The following PRDM11 variants were observed in gnomAD, a reference collection of about 807,000 sequenced individuals.
PRDM11 encodes the protein PR domain-containing protein 11.
PRDM11 carries 20 observed loss-of-function variants against 97.8 expected under a neutral mutation model. The observed-to-expected ratio is 0.20, with a 90% CI of 0.14 to 0.30. The LOEUF (loss-of-function observed/expected upper bound fraction) is 0.30, where lower values mean the gene tolerates loss of function less well. Among genes scored for constraint, PRDM11 ranks in the 10% least tolerant of loss-of-function variants. The pLI, the probability that PRDM11 is intolerant of heterozygous loss-of-function variation, is 1.00. For synonymous variants in PRDM11, 599 were observed against 637.7 expected, an observed-to-expected ratio of 0.94 and a Z score of 0.91; for missense variants, 1,139 against 1,555.2, an observed-to-expected ratio of 0.73 and a Z score of 4.50.
At chr11:45,138,458 C>T (rs1414728405) in intron 1 of PRDM11, among the ~76,000 whole-genome samples, 11 of 152,102 alleles carry the variant, frequency 7.2e-5, no homozygotes, top group Non-Finnish European at 1.3e-4. Flanking sequence ...GTCCCAGCTA[C>T]TTAGGAGACT....
At chr11:45,123,620 GTTTT>G (rs1401556785) in intron 1 of PRDM11, among the ~76,000 whole-genome samples, 1 of 151,918 alleles carries the variant, frequency 6.6e-6, no homozygotes, top group Non-Finnish European at 1.5e-5. Context: ...CCCATTGCTT[GTTTT>G]TGTCAGGTTT....
At position 45,227,718 on chromosome 11, in the gene PRDM11, G is replaced by T. The variant is rs566509465; in HGVS notation, c.3093G>T (p.Leu1031=). ...CCCGGGATGTCTGTAGGGAAGGGCT[G>T]GACCCCCGGGGTAGTCTGTTGATGG... ...TFSRDVCREG[L]DPRGSLLMEW... Residue 1031 remains leucine (L), a synonymous_variant, in exon 8 of 8, where the codon CTG becomes CTT. Coordinates refer to ENST00000683152, the MANE Select transcript of PRDM11 (RefSeq NM_001384648.1). The surrounding 1 kb of genome is among the most constrained non-coding windows in gnomAD (Gnocchi z 8.0). The T allele has an allele frequency of 6.5e-7, 1 of 1,533,788 alleles. No homozygotes were observed. Among genetic ancestry groups the T allele is most frequent in the Admixed American group, 2.0e-5 (1 of 50,966 alleles).
Position 45,183,061 on chromosome 11 carries a change from T to C in PRDM11, c.424T>C (p.Phe142Leu), listed in dbSNP as rs753715952. The C allele has an allele frequency of 6.2e-7, 1 of 1,613,916 alleles. No individual in the cohort carries two copies. Among genetic ancestry groups the C allele is most frequent in the South Asian group, 1.1e-5 (1 of 91,068 alleles). The change falls in exon 4 of 8, where the codon TTC (phenylalanine) becomes CTC (leucine). Residue 142 changes from phenylalanine (F) to leucine (L), a missense_variant. Phe to Leu is a conservative substitution (Grantham distance 22, BLOSUM62 0). Transcript: ENST00000683152. ...CGAGGTCATCCCCAAGGGCCACATC[T>C]TCGGCCCCTATGAGGGGCAGATCTC... The part of the protein sequence containing the change: ...VNEVIPKGHI[F>L]GPYEGQISTQ...
In PRDM11 at chr11:45,217,124, T is replaced by G. The variant is rs375164629; in HGVS notation, c.555-2446T>G. Among the ~76,000 whole-genome samples, 21 of 152,316 alleles carry G rather than the reference T, an allele frequency of 1.4e-4. No homozygotes were observed. In the East Asian group the frequency reaches 2.5e-3, roughly 18 times the overall value. Reference sequence around the variant, plus strand: ...CTTCTATTCTGTGCTAACCGCAAGGTTGATTATTTTTGGATGTCAAATCCT... The same window carrying G: ...CTTCTATTCTGTGCTAACCGCAAGGGTGATTATTTTTGGATGTCAAATCCT... On this transcript the variant is annotated intron_variant, in intron 5 of 7. Transcript: ENST00000683152.
chr11:45,147,162 C>T (rs562141874), intron 1 of PRDM11, among the ~76,000 whole-genome samples: 1 of 151,656 alleles, frequency 6.6e-6, no homozygotes, highest in African/African-American at 2.4e-5. Flanking sequence ...CCAGCTCGCT[C>T]GCTCCTCGCC....
chr11:45,128,806 C>G (rs976422713), intron 1 of PRDM11, among the ~76,000 whole-genome samples: 6 of 152,018 alleles, frequency 3.9e-5, no homozygotes, highest in Non-Finnish European at 8.8e-5. Flanking sequence ...ACTTGCTTTA[C>G]AAGACCAATA....
In PRDM11 at chr11:45,232,310, AG is replaced by A; in HGVS notation, c.*4155del. The A allele has an allele frequency of 6.6e-6, 1 of 152,398 alleles. No homozygotes were observed. Among genetic ancestry groups the A allele is most frequent in the Admixed American group, 6.5e-5 (1 of 15,302 alleles). The allele number at this position is 152,398 out of a possible 1,614,324, so 9.4% of individuals were successfully genotyped here. On this transcript the variant is annotated 3_prime_UTR_variant, in exon 8 of 8. Coordinates refer to ENST00000683152, the MANE Select transcript of PRDM11 (RefSeq NM_001384648.1). ...CTGATGGGACCCAGGAGGTGGCCTGAGGGGTTGAAGTATAACTTCCCTCTTC... is the reference window on the plus strand; with the variant it reads ...CTGATGGGACCCAGGAGGTGGCCTGAGGGTTGAAGTATAACTTCCCTCTTC...
At position 45,224,234 on chromosome 11, in the gene PRDM11, A is replaced by G. The variant is rs1854199735; in HGVS notation, c.760A>G (p.Arg254Gly). 2 of 1,590,460 alleles carry G rather than the reference A, an allele frequency of 1.3e-6. No homozygotes were observed. Among genetic ancestry groups the G allele is most frequent in the South Asian group, 1.2e-5 (1 of 86,762 alleles). The change falls in exon 7 of 8, where the codon AGG (arginine) becomes GGG (glycine). Residue 254 changes from arginine (R) to glycine (G), a missense_variant. Around this residue, in one of 2 missense-constraint regions of PRDM11, gnomAD observed 429 missense variants for 510.3 expected, o/e 0.84. Coordinates refer to ENST00000683152, the MANE Select transcript of PRDM11 (RefSeq NM_001384648.1). ...NLARGEKRLQ[R>G]EKSEQVLDNP... ...CTTCCTAGGAGAGAAGAGGTTGCAG[A>G]GGGAGAAGTCTGAGCAGGTTCTGGA...
At chr11:45,196,551 A>G (rs1824579219) in intron 4 of PRDM11, among the ~76,000 whole-genome samples, 1 of 152,166 alleles carries the variant, frequency 6.6e-6, no homozygotes. Flanking sequence ...CTTGCCCAAG[A>G]CCATTCATAA....
chr11:45,126,716 T>C lies in PRDM11; in HGVS notation c.96+30815T>C, dbSNP rs1369655664. Among the ~76,000 whole-genome samples, 5 of 152,258 alleles carry C rather than the reference T, an allele frequency of 3.3e-5. No homozygotes were observed. In the East Asian group the frequency reaches 9.6e-4, roughly 29 times the overall value. The stretch of plus-strand genomic sequence containing the variant: ...TCTGCCGAGAGATCCACTGTTAGTC[T>C]GATGGGCTTCCCTTTGTGGGTAACC... On this transcript the variant is annotated intron_variant, in intron 1 of 6. Transcript: ENST00000530656.
intron 1 of PRDM11, among the ~76,000 whole-genome samples, chr11:45,129,611 T>G (rs1180793582): frequency 1.3e-5 from 2 of 151,978 alleles, no homozygotes; most frequent in African/African-American, 4.8e-5. Context: ...TAAAACAGTG[T>G]TTAGAGAAAT....
chr11:45,126,272 A>T (rs374082573), intron 1 of PRDM11, among the ~76,000 whole-genome samples: 1 of 151,850 alleles, frequency 6.6e-6, no homozygotes, highest in South Asian at 2.1e-4. Context: ...CACTCTGATG[A>T]GTCTTGACTC....
chr11:45,166,758 A>C (rs917746282), intron 1 of PRDM11, among the ~76,000 whole-genome samples: 1 of 152,010 alleles, frequency 6.6e-6, no homozygotes, highest in African/African-American at 2.4e-5. Flanking sequence ...TGCCCCTTCC[A>C]CCTCCTTCCT....
In PRDM11 at chr11:45,224,811, TA is replaced by T; in HGVS notation, c.1338del (p.Leu447TrpfsTer40). 6.2e-7 allele frequency: 1 copy of T among 1,614,142 alleles called. No individual in the cohort carries two copies. The highest frequency in any genetic ancestry group is 8.5e-7 in the Non-Finnish European group (1 of 1,180,026). Reference protein sequence around the residue: ...LPEPPVLPPQVLELPEFSDPA... With the variant: ...LPEPPVLPPQXLELPEFSDPA... ...GAGCCCCCCGTATTGCCACCACAGG[TA>T]CTGGAGCTCCCAGAGTTCTCGGACC... On this transcript the variant is annotated frameshift_variant, in exon 7 of 8. Coordinates refer to ENST00000683152, the MANE Select transcript of PRDM11 (RefSeq NM_001384648.1). LOFTEE classifies it high-confidence loss of function.
At chr11:45,155,569 T>G (rs964253721) in intron 1 of PRDM11, among the ~76,000 whole-genome samples, 6 of 151,286 alleles carry the variant, frequency 4.0e-5, no homozygotes, top group Non-Finnish European at 8.8e-5. Flanking sequence ...TTAGGCCGGC[T>G]GTGTTCCAAG....
chr11:45,097,706 G>T (rs138783022), intron 1 of PRDM11, among the ~76,000 whole-genome samples: 27 of 152,336 alleles, frequency 1.8e-4, no homozygotes, highest in Middle Eastern at 3.4e-3. Context: ...CCAGGGCTTA[G>T]GACCACCTGT....
At chr11:45,134,369 C>T (rs202066356) in intron 1 of PRDM11, among the ~76,000 whole-genome samples, 4 of 152,110 alleles carry the variant, frequency 2.6e-5, no homozygotes, top group East Asian at 1.9e-4. Context: ...CTAGTATAAA[C>T]TTGAGTTCAA....
chr11:45,101,619 T>TGG (rs1851983439), intron 1 of PRDM11, among the ~76,000 whole-genome samples: 1 of 143,094 alleles, frequency 7.0e-6, no homozygotes, highest in African/African-American at 2.7e-5. Context: ...GGCTCAGAGC[T>TGG]AGAGGCTGAG....
upstream of PRDM11, among the ~76,000 whole-genome samples, chr11:45,143,696 C>T (rs572957511): frequency 2.6e-5 from 4 of 152,308 alleles, no homozygotes; most frequent in South Asian, 8.3e-4. Context: ...TGACCTTGGG[C>T]AAGTCTCTTA....
Sources: allele counts gnomAD v4.1 joint callset (sites outside exome capture counted in the v4.1 genomes callset), GRCh38; gene constraint gnomAD v4.1.1; regional missense constraint gnomAD v4.1.1; non-coding constraint Gnocchi (gnomAD v3.1); transcripts MANE v1.5; gene names NCBI Gene and HGNC (gene_info 2026-07-23, HGNC 2026-07-21).